DEPDC1B: variants seen among roughly 807,000 people sequenced by gnomAD.
The protein encoded by DEPDC1B is DEP domain containing 1B, also known as DEP domain-containing protein 1B.
Under a neutral mutation model 66.5 loss-of-function variants are expected in DEPDC1B, and 51 were observed. That is an observed-to-expected ratio of 0.77 (90% CI 0.61 to 0.97). The LOEUF (loss-of-function observed/expected upper bound fraction) is 0.97, where lower values mean the gene tolerates loss of function less well. DEPDC1B is among the 50% of genes least tolerant of loss of function. The pLI is 0.00. For synonymous variants in DEPDC1B, 226 were observed against 223.6 expected, an observed-to-expected ratio of 1.01 and a Z score of -0.10; for missense variants, 552 against 637.1, an observed-to-expected ratio of 0.87 and a Z score of 1.44.
intron 4 of DEPDC1B, among the ~76,000 whole-genome samples, 182 bp downstream of exon 4, chr5:60,645,310 G>A (rs1753286388): frequency 6.6e-6 from 1 of 152,094 alleles, no homozygotes; most frequent in Non-Finnish European, 1.5e-5. Flanking sequence ...TAACTATTAT[G>A]TAAATAGCAG....
chr5:60,609,573 T>C (rs1318964539), intron 7 of DEPDC1B, among the ~76,000 whole-genome samples: 1 of 152,202 alleles, frequency 6.6e-6, no homozygotes, highest in Non-Finnish European at 1.5e-5. Context: ...ATGAGGTTCC[T>C]GTCACCTGCA....
chr5:60,627,335 T>C (rs1181257137), intron 7 of DEPDC1B, among the ~76,000 whole-genome samples: 1 of 152,126 alleles, frequency 6.6e-6, no homozygotes, highest in Non-Finnish European at 1.5e-5. Flanking sequence ...ATCAAATACT[T>C]TTAAACCCTT....
intron 2 of DEPDC1B, among the ~76,000 whole-genome samples, chr5:60,659,836 C>T (rs1753666585): frequency 6.6e-6 from 1 of 152,192 alleles, no homozygotes; most frequent in Non-Finnish European, 1.5e-5. Flanking sequence ...TCTAAAGAAG[C>T]TCTATGCTGC....
At chr5:60,617,503 A>C (rs1226927709) in intron 7 of DEPDC1B, among the ~76,000 whole-genome samples, 1 of 152,150 alleles carries the variant, frequency 6.6e-6, no homozygotes, top group Non-Finnish European at 1.5e-5. Context: ...CTCTGATAAA[A>C]CAGACTTTAA....
chr5:60,651,600 G>C (rs887922225), intron 2 of DEPDC1B, among the ~76,000 whole-genome samples: 2 of 151,814 alleles, frequency 1.3e-5, no homozygotes, highest in African/African-American at 4.8e-5. Flanking sequence ...CAGTAAGTTT[G>C]ACATAGTTTT....
intron 1 of DEPDC1B, among the ~76,000 whole-genome samples, chr5:60,688,356 G>C (rs527614669): frequency 6.6e-6 from 1 of 152,234 alleles, no homozygotes; most frequent in Admixed American, 6.5e-5. Context: ...AAGTAGACTG[G>C]GTAGAGAGAG....
chr5:60,666,922 A>G (rs1436396165), intron 2 of DEPDC1B, among the ~76,000 whole-genome samples: 1 of 152,160 alleles, frequency 6.6e-6, no homozygotes, highest in Non-Finnish European at 1.5e-5. Context: ...AGCCCAACTG[A>G]CACCACCTTT....
At chr5:60,693,803 T>C (rs946371088) in intron 1 of DEPDC1B, among the ~76,000 whole-genome samples, 9 of 152,132 alleles carry the variant, frequency 5.9e-5, no homozygotes, top group African/African-American at 2.2e-4. Context: ...CCCTGATACC[T>C]AGCTTTCATT....
chr5:60,616,568 G>A (rs573853660), intron 7 of DEPDC1B, among the ~76,000 whole-genome samples: 103 of 152,232 alleles, frequency 6.8e-4, no homozygotes, highest in Non-Finnish European at 1.3e-3. Context: ...TGAATGAAAT[G>A]AAGCGAGAAG....
intron 7 of DEPDC1B, among the ~76,000 whole-genome samples, chr5:60,632,957 G>T (rs141217047): frequency 2.0e-4 from 31 of 152,334 alleles, no homozygotes; most frequent in Non-Finnish European, 3.8e-4. Context: ...CAGGCTGGGA[G>T]ATTCCTTTTA....
intron 7 of DEPDC1B, among the ~76,000 whole-genome samples, chr5:60,608,149 C>T (rs192375965): frequency 6.6e-5 from 10 of 152,232 alleles, no homozygotes; most frequent in African/African-American, 1.7e-4. Context: ...GGGGACGTAG[C>T]GGTTGAACTG....
chr5:60,597,740 T>C lies in DEPDC1B; in HGVS notation c.*13A>G. 1 of 1,610,702 alleles carries C rather than the reference T, an allele frequency of 6.2e-7. No homozygotes were observed. The highest frequency in any genetic ancestry group is 8.5e-7 in the Non-Finnish European group (1 of 1,178,944). The stretch of plus-strand genomic sequence containing the variant: ...AACAGTGGTCTCTAGCACCTGTTGC[T>C]GTGGAAGTATTATTACATTCGAAAA... On this transcript the variant is annotated 3_prime_UTR_variant, in exon 11 of 11. Transcript: ENST00000265036.
chr5:60,647,363 T>C, intron 3 of DEPDC1B, 35 bp downstream of exon 3: 1 of 1,561,064 alleles, frequency 6.4e-7, no homozygotes, highest in Non-Finnish European at 8.6e-7. Flanking sequence ...TTCTCCCTGC[T>C]GCCAGCCCTT....
chr5:60,612,747 G>A (rs1460518722), intron 7 of DEPDC1B, among the ~76,000 whole-genome samples: 16 of 149,358 alleles, frequency 1.1e-4, no homozygotes, highest in South Asian at 4.2e-4. Flanking sequence ...TGCTATAGCC[G>A]TTCTTGTAAA....
intron 2 of DEPDC1B, among the ~76,000 whole-genome samples, chr5:60,658,552 A>G (rs1369652585): frequency 2.0e-5 from 3 of 146,620 alleles, no homozygotes; most frequent in Non-Finnish European, 3.0e-5. Context: ...AGCCTAGCTG[A>G]GAAAGGTGAC....
At chr5:60,681,856 T>G (rs1233979178) in intron 2 of DEPDC1B, among the ~76,000 whole-genome samples, 2 of 151,788 alleles carry the variant, frequency 1.3e-5, no homozygotes, top group African/African-American at 4.8e-5. Context: ...ACTCAAGCAA[T>G]ACTCTCACCT....
chr5:60,599,021 A>AC, intron 10 of DEPDC1B, 54 bp downstream of exon 10: 1 of 1,451,436 alleles, frequency 6.9e-7, no homozygotes, highest in Admixed American at 2.6e-5. Context: ...TAAAAAAAAA[A>AC]ACATAAAAAC....
chr5:60,647,161 A>C (rs1195302847), intron 3 of DEPDC1B, among the ~76,000 whole-genome samples: 1 of 151,872 alleles, frequency 6.6e-6, no homozygotes, highest in African/African-American at 2.4e-5. Flanking sequence ...GGTGCCAAAA[A>C]GGTTGGGGAC....
intron 1 of DEPDC1B, among the ~76,000 whole-genome samples, chr5:60,694,997 G>T (rs1026036122): frequency 6.6e-6 from 1 of 152,054 alleles, no homozygotes. Context: ...TCAGTTCAGG[G>T]TTTATTCTCT....
Sources: allele counts gnomAD v4.1 joint callset (sites outside exome capture counted in the v4.1 genomes callset), GRCh38; gene constraint gnomAD v4.1.1; transcripts MANE v1.5; gene names NCBI Gene and HGNC (gene_info 2026-07-23, HGNC 2026-07-21).